TSPAN4: variants seen among roughly 807,000 people sequenced by gnomAD.
TSPAN4 encodes tetraspanin 4, also known as tetraspanin-4.
Under a neutral mutation model 31.5 loss-of-function variants are expected in TSPAN4, and 38 were observed. The ratio of observed to expected loss-of-function variants is 1.21; its 90% confidence interval spans 0.93 to 1.58. TSPAN4 has a LOEUF of 1.58. TSPAN4 is among the 40% of genes most tolerant of loss of function. TSPAN4 has a pLI of 0.00. For synonymous variants in TSPAN4, 186 were observed against 144.6 expected (o/e 1.29, Z -2.06); for missense variants, 330 against 317.3 (o/e 1.04, Z -0.30).
At position 866,032 on chromosome 11, in the gene TSPAN4, C is replaced by G. The variant is rs746438808; in HGVS notation, c.648+31C>G. On this transcript the variant is annotated intron_variant, in intron 8 of 8. Coordinates refer to ENST00000397397, the MANE Select transcript of TSPAN4 (RefSeq NM_003271.5). ...GCCTGGGGGCCTGCGGGCTCCCTGC[C>G]CCCACTTTGTTAGGACCTTCTGAGC... is the stretch of plus-strand genomic sequence containing the variant. 1.9e-6 allele frequency: 3 copies of G among 1,607,034 alleles called. No homozygotes were observed. The South Asian group carries it at 3.3e-5, about 18-fold the overall frequency.
chr11:866,216 G>C (rs1415519962), intron 8 of TSPAN4, among the ~76,000 whole-genome samples: 1 of 151,104 alleles, frequency 6.6e-6, no homozygotes, highest in Admixed American at 6.6e-5. Flanking sequence ...GTGTGGGGTG[G>C]AGGCCGGTGG....
intron 3 of TSPAN4, chr11:858,663 G>T: frequency 8.3e-6 from 1 of 119,872 alleles, no homozygotes; most frequent in Non-Finnish European, 1.7e-5. Flanking sequence ...TGCTCACCCA[G>T]TTCCCACGCA....
At chr11:862,844 A>G in intron 4 of TSPAN4, 103 bp downstream of exon 4, 1 of 1,260,040 alleles carries the variant, frequency 7.9e-7, no homozygotes, top group Non-Finnish European at 1.1e-6. Context: ...AGACGTGGGC[A>G]CCACCTCTGG....
intron 3 of TSPAN4, among the ~76,000 whole-genome samples, chr11:856,486 T>C (rs1328545555): frequency 1.3e-5 from 2 of 152,196 alleles, no homozygotes; most frequent in Non-Finnish European, 2.9e-5. Flanking sequence ...GCTGCCATCA[T>C]TCCTAGGGTT....
intron 4 of TSPAN4, chr11:864,129 A>C: frequency 2.2e-6 from 1 of 460,860 alleles, no homozygotes; most frequent in Non-Finnish European, 4.0e-6. Context: ...GGCCTCAGGA[A>C]CAGGGATTTG....
At chr11:855,292 G>A (rs968006082) in intron 3 of TSPAN4, among the ~76,000 whole-genome samples, 2 of 152,212 alleles carry the variant, frequency 1.3e-5, no homozygotes, top group African/African-American at 4.8e-5. Flanking sequence ...GCAGGGGGAC[G>A]GGAGTGAGCG....
intron 2 of TSPAN4, among the ~76,000 whole-genome samples, chr11:847,814 G>A (rs895287696): frequency 2.6e-5 from 4 of 152,050 alleles, no homozygotes; most frequent in Non-Finnish European, 5.9e-5. Context: ...CTCTCCCTTC[G>A]CCCTCCCACC....
At chr11:858,099 A>G (rs1487567469) in intron 3 of TSPAN4, 1 of 152,358 alleles carries the variant, frequency 6.6e-6, no homozygotes, top group South Asian at 2.1e-4. Context: ...TCAGTTCCGC[A>G]TGGCCTTGTC....
intron 1 of TSPAN4, among the ~76,000 whole-genome samples, chr11:845,694 C>T (rs1380223342): frequency 6.6e-6 from 1 of 152,000 alleles, no homozygotes; most frequent in Non-Finnish European, 1.5e-5. Context: ...GCCTTCACCC[C>T]CGACTCCCAG....
chr11:858,634 G>GCACCCCGCTCACA (rs377186534), intron 3 of TSPAN4: 6,183 of 128,702 alleles, frequency 0.048, 139 homozygotes, highest in Middle Eastern at 0.13. Context: ...CGGCCCACAC[G>GCACCCCGCTCACA]CACCCCGCTC....
chr11:864,727 T>C (rs1848667699), intron 5 of TSPAN4: 3 of 619,090 alleles, frequency 4.8e-6, no homozygotes, highest in Non-Finnish European at 8.5e-6. Context: ...ACAAGGGCAC[T>C]GCTACCCCAC....
chr11:851,496 C>G (rs565341435), intron 3 of TSPAN4, among the ~76,000 whole-genome samples: 1 of 152,340 alleles, frequency 6.6e-6, no homozygotes, highest in Non-Finnish European at 1.5e-5. Context: ...GGCTCCTTCT[C>G]TAGCCAGCTT....
intron 8 of TSPAN4, 69 bp from the exon 9 acceptor site, chr11:866,493 G>A: frequency 1.3e-6 from 2 of 1,485,616 alleles, no homozygotes; most frequent in South Asian, 1.2e-5. Flanking sequence ...GCTGAGGACA[G>A]GGACTGCTCT....
intron 3 of TSPAN4, among the ~76,000 whole-genome samples, chr11:861,779 T>C (rs1589789505): frequency 6.9e-6 from 1 of 145,082 alleles, no homozygotes; most frequent in African/African-American, 2.6e-5. Flanking sequence ...ATTAACCGGG[T>C]GTGGTGGGGG....
At chr11:854,067 A>G (rs1847903976) in intron 3 of TSPAN4, among the ~76,000 whole-genome samples, 1 of 152,174 alleles carries the variant, frequency 6.6e-6, no homozygotes, top group African/African-American at 2.4e-5. Context: ...CTCTTCCCCT[A>G]ATGGAAGTGG....
intron 2 of TSPAN4, 170 bp from the exon 3 acceptor site, chr11:850,118 C>T (rs1847580112): frequency 4.1e-6 from 2 of 490,010 alleles, no homozygotes; most frequent in African/African-American, 2.1e-5. Flanking sequence ...GCGGCCCCTT[C>T]CGGCGCTACA....
intron 3 of TSPAN4, among the ~76,000 whole-genome samples, chr11:856,209 G>A (rs1270976658): frequency 2.0e-5 from 3 of 152,180 alleles, no homozygotes; most frequent in Admixed American, 6.5e-5. Context: ...GCTGAGGGAC[G>A]GCCCTCCAAG....
In TSPAN4 at chr11:850,375, CG is replaced by C; in HGVS notation, c.63+13del. The C allele has an allele frequency of 1.9e-6, 3 of 1,597,680 alleles. No homozygotes were observed. ...TTCAACCTGCTCTTCTGGGTGAGTC[CG>C]GGGGCCGGGGTGGGGGCCCGGGAAA... On this transcript the variant is annotated intron_variant, in intron 3 of 8. Transcript: ENST00000397397.
At chr11:843,807 G>A (rs1272231870) in intron 1 of TSPAN4, 2 of 132,562 alleles carry the variant, frequency 1.5e-5, no homozygotes, top group East Asian at 4.4e-4. Flanking sequence ...TGGGGCTTCT[G>A]GCTGGGGTGG....
Sources: gnomAD v4.1 joint callset for allele counts (sites outside exome capture counted in the v4.1 genomes callset) on GRCh38, gnomAD v4.1.1 for gene constraint, MANE v1.5 for transcripts, NCBI Gene and HGNC (gene_info 2026-07-23, HGNC 2026-07-21) for gene names.